Variants in SUMF1 observed in about 807,000 individuals in gnomAD.
The protein encoded by SUMF1 is sulfatase modifying factor 1.
In SUMF1, 48 loss-of-function variants were observed where a neutral mutation model predicts 47.6. That is an observed-to-expected ratio of 1.01 (90% CI 0.80 to 1.28). The LOEUF is 1.28. Among genes scored for constraint, SUMF1 ranks in the 50% most tolerant of loss-of-function variants. The probability of loss-of-function intolerance (pLI) is 0.00; values close to 1 mark genes in which losing one functional copy is unlikely to be tolerated. For missense variants in SUMF1, 571 were observed against 485.4 expected, an observed-to-expected ratio of 1.18 and a Z score of -1.66; for synonymous variants, 230 against 192.1, an observed-to-expected ratio of 1.20 and a Z score of -1.63.
intron 8 of SUMF1, among the ~76,000 whole-genome samples, chr3:4,113,515 G>A (rs1269072560): frequency 1.3e-5 from 2 of 151,522 alleles, no homozygotes; most frequent in East Asian, 3.9e-4. Flanking sequence ...GTCACAGTGA[G>A]ACCCTGTCAC....
At chr3:4,083,486 C>T (rs913036382) in intron 8 of SUMF1, among the ~76,000 whole-genome samples, 2 of 152,068 alleles carry the variant, frequency 1.3e-5, no homozygotes, top group African/African-American at 2.4e-5. Context: ...TGCACCCCAG[C>T]GTGACTATGA....
intron 8 of SUMF1, among the ~76,000 whole-genome samples, chr3:4,355,119 G>T (rs1699589721): frequency 1.3e-5 from 2 of 152,174 alleles, no homozygotes; most frequent in South Asian, 4.1e-4. Flanking sequence ...GGATGCTGAG[G>T]CAAGTGGATT....
intron 1 of SUMF1, among the ~76,000 whole-genome samples, chr3:4,465,486 AAAAAG>A (rs1252307370): frequency 6.6e-6 from 1 of 152,112 alleles, no homozygotes; most frequent in Non-Finnish European, 1.5e-5. Context: ...TAAAAAAAAA[AAAAAG>A]AAAAGAAAAA....
chr3:4,171,551 G>C (rs1009412108), intron 8 of SUMF1, among the ~76,000 whole-genome samples: 39 of 152,090 alleles, frequency 2.6e-4, no homozygotes, highest in African/African-American at 9.2e-4. Flanking sequence ...TACTTGCCTG[G>C]ACACTGAAAT....
intron 8 of SUMF1, among the ~76,000 whole-genome samples, chr3:4,144,774 G>A (rs1235568478): frequency 2.0e-5 from 3 of 152,120 alleles, no homozygotes; most frequent in South Asian, 2.1e-4. Context: ...TCAGTTATAA[G>A]TAAGTTTTAT....
At chr3:4,335,980 A>AAAAAAAAAAC (rs5846321) in intron 8 of SUMF1, among the ~76,000 whole-genome samples, 2 of 148,196 alleles carry the variant, frequency 1.3e-5, no homozygotes, top group East Asian at 2.0e-4. Flanking sequence ...AAAAAAAAAA[A>AAAAAAAAAAC]CAGAAAAAAC....
intron 8 of SUMF1, among the ~76,000 whole-genome samples, chr3:4,121,487 C>G (rs6792529): frequency 0.41 from 62,416 of 151,622 alleles, 13,366 homozygotes; most frequent in Non-Finnish European, 0.48. Context: ...ATGATTAGTA[C>G]AACTGGTGAT....
chr3:4,191,331 G>A (rs1241871896), intron 8 of SUMF1, among the ~76,000 whole-genome samples: 5 of 152,072 alleles, frequency 3.3e-5, no homozygotes, highest in East Asian at 3.9e-4. Context: ...GTGCAGCTTC[G>A]ACAAAGAAAC....
chr3:4,085,177 A>G (rs1057180129), intron 8 of SUMF1, among the ~76,000 whole-genome samples: 1 of 152,130 alleles, frequency 6.6e-6, no homozygotes, highest in African/African-American at 2.4e-5. Context: ...TTTTAAATGT[A>G]ATGAGATGAA....
intron 8 of SUMF1, among the ~76,000 whole-genome samples, chr3:4,169,013 G>T (rs552504091): frequency 6.6e-6 from 1 of 152,228 alleles, no homozygotes; most frequent in East Asian, 1.9e-4. Context: ...TGCTGTACAA[G>T]TAATAATATT....
intron 8 of SUMF1, among the ~76,000 whole-genome samples, chr3:4,224,565 C>A (rs1369676227): frequency 6.6e-6 from 1 of 151,970 alleles, no homozygotes; most frequent in South Asian, 2.1e-4. Flanking sequence ...TAGTTCACAA[C>A]TAGCACAGCA....
At chr3:4,147,780 C>T (rs1038125282) in intron 8 of SUMF1, among the ~76,000 whole-genome samples, 2 of 152,094 alleles carry the variant, frequency 1.3e-5, no homozygotes, top group Admixed American at 6.5e-5. Context: ...TCCTGTATAC[C>T]TAACCCAGCA....
At chr3:4,213,565 T>A (rs1350117354) in intron 8 of SUMF1, among the ~76,000 whole-genome samples, 1 of 152,138 alleles carries the variant, frequency 6.6e-6, no homozygotes, top group Non-Finnish European at 1.5e-5. Context: ...TATAACAATA[T>A]TAACCATAAA....
intron 8 of SUMF1, among the ~76,000 whole-genome samples, chr3:4,253,398 G>GT (rs1696853917): frequency 6.6e-6 from 1 of 152,184 alleles, no homozygotes; most frequent in Non-Finnish European, 1.5e-5. Context: ...CAGGCCAGTG[G>GT]GTGCGTGCAC....
chr3:4,420,720 A>G (rs906719330), intron 3 of SUMF1, among the ~76,000 whole-genome samples: 1 of 151,888 alleles, frequency 6.6e-6, no homozygotes, highest in Non-Finnish European at 1.5e-5. Flanking sequence ...TAAAAAGTGC[A>G]TGGCTAGCCA....
At chr3:4,421,045 A>G (rs1394121687) in intron 3 of SUMF1, among the ~76,000 whole-genome samples, 1 of 152,234 alleles carries the variant, frequency 6.6e-6, no homozygotes, top group Non-Finnish European at 1.5e-5. Context: ...GTAAGATTGG[A>G]AAATGCTCAG....
At chr3:4,309,960 G>A (rs1277451970) in intron 8 of SUMF1, among the ~76,000 whole-genome samples, 1 of 152,186 alleles carries the variant, frequency 6.6e-6, no homozygotes, top group Non-Finnish European at 1.5e-5. Flanking sequence ...CAGAAACCTA[G>A]ATGGTATAGC....
intron 8 of SUMF1, among the ~76,000 whole-genome samples, chr3:4,151,358 A>T (rs1480898447): frequency 6.2e-5 from 9 of 146,110 alleles, no homozygotes; most frequent in East Asian, 3.9e-4. Flanking sequence ...ATACATACAC[A>T]ATATATATAT....
intron 8 of SUMF1, among the ~76,000 whole-genome samples, chr3:4,176,676 T>C (rs1012446599): frequency 6.6e-6 from 1 of 152,058 alleles, no homozygotes; most frequent in East Asian, 1.9e-4. Context: ...ATGATCAAAT[T>C]CACACATAAC....
Sources: gnomAD v4.1 joint callset for allele counts (sites outside exome capture counted in the v4.1 genomes callset) on GRCh38, gnomAD v4.1.1 for gene constraint, MANE v1.5 for transcripts, NCBI Gene and HGNC (gene_info 2026-07-23, HGNC 2026-07-21) for gene names.